Variants in LIPK observed in about 807,000 individuals in gnomAD.
LIPK encodes the protein lipase member K.
Under a neutral mutation model 48.6 loss-of-function variants are expected in LIPK, and 32 were observed. That is an observed-to-expected ratio of 0.66 (90% CI 0.50 to 0.88). The LOEUF (loss-of-function observed/expected upper bound fraction) is 0.88. Ranked by LOEUF, LIPK falls within the 40% of genes least tolerant of loss-of-function variation. LIPK has a pLI of 0.00. For missense variants in LIPK, 507 were observed against 478.5 expected, an observed-to-expected ratio of 1.06 and a Z score of -0.56; for synonymous variants, 164 against 157.4, an observed-to-expected ratio of 1.04 and a Z score of -0.32.
At chr10:88,714,219 A>C (rs1298314435) in intron 1 of LIPK, among the ~76,000 whole-genome samples, 1 of 151,924 alleles carries the variant, frequency 6.6e-6, no homozygotes, top group Non-Finnish European at 1.5e-5. Context: ...TTTCATTTCT[A>C]TTTTCCTAAA....
Position 88,739,979 on chromosome 10 carries a change from AAGT to A in LIPK, c.817-15_817-13del. 8 of 1,589,312 alleles carry A rather than the reference AAGT, an allele frequency of 5.0e-6. 1 individual carries two copies. The highest frequency in any genetic ancestry group is 6.9e-6 in the Non-Finnish European group (8 of 1,159,180). ...ATGATATGATTAGCCTCTAGATGAG[AAGT>A]AATCTCTTTGCAGAGTCGCTTGGAT... is the stretch of plus-strand genomic sequence containing the variant. On this transcript the variant is annotated splice_polypyrimidine_tract_variant and intron_variant, in intron 7 of 9. Transcript: ENST00000404190.
intron 3 of LIPK, among the ~76,000 whole-genome samples, chr10:88,729,749 G>T (rs1842427527): frequency 1.3e-5 from 2 of 152,084 alleles, no homozygotes; most frequent in Non-Finnish European, 1.5e-5. Flanking sequence ...AATGGACATA[G>T]ACTCTTAGTT....
rs1464071145 is a variant in LIPK at position 88,731,056 on chromosome 10, C to G, written c.297C>G (p.Asn99Lys). 1 of 1,602,384 alleles carries G rather than the reference C, an allele frequency of 6.2e-7. No individual in the cohort carries two copies. The highest frequency in any genetic ancestry group is 8.5e-7 in the Non-Finnish European group (1 of 1,174,144). The change falls in exon 4 of 10, where the codon AAC (asparagine) becomes AAG (lysine). Residue 99 changes from asparagine (N) to lysine (K), a missense_variant. Physicochemically the swap from Asn to Lys is moderately conservative, Grantham distance 94. Transcript: ENST00000404190. Reference sequence around the variant, plus strand: ...GTAACTGGATTTGCAACCTGCCCAACAACAGTTTGGCTTTCCTTCTGGCAG... The same window carrying G: ...GTAACTGGATTTGCAACCTGCCCAAGAACAGTTTGGCTTTCCTTCTGGCAG... ...SASNWICNLP[N>K]NSLAFLLADS...
intron 1 of LIPK, among the ~76,000 whole-genome samples, chr10:88,715,010 A>G (rs1452574912): frequency 6.6e-6 from 1 of 152,064 alleles, no homozygotes; most frequent in Non-Finnish European, 1.5e-5. Context: ...TTTATTTCTA[A>G]GCAGTACTTT....
chr10:88,741,620 G>A (rs1178183585), intron 8 of LIPK, among the ~76,000 whole-genome samples: 2 of 152,194 alleles, frequency 1.3e-5, no homozygotes, highest in African/African-American at 4.8e-5. Flanking sequence ...AGTGGGGATG[G>A]TGGGGGGCAT....
intron 1 of LIPK, among the ~76,000 whole-genome samples, chr10:88,713,444 G>A (rs1002738384): frequency 1.3e-5 from 2 of 149,890 alleles, no homozygotes; most frequent in Non-Finnish European, 3.0e-5. Context: ...GAAAAAAAGA[G>A]GGATAAACTT....
intron 9 of LIPK, among the ~76,000 whole-genome samples, chr10:88,748,114 G>A (rs1842800985): frequency 1.3e-5 from 2 of 152,158 alleles, no homozygotes; most frequent in Non-Finnish European, 2.9e-5. Flanking sequence ...GTACTTTGCA[G>A]GGACACGGAT....
intron 8 of LIPK, among the ~76,000 whole-genome samples, chr10:88,740,562 A>G (rs536927658): frequency 1.3e-5 from 2 of 152,288 alleles, no homozygotes; most frequent in East Asian, 3.9e-4. Context: ...TTATTACTCA[A>G]TATACAGAAA....
At chr10:88,738,287 C>G (rs1015035966) in intron 7 of LIPK, among the ~76,000 whole-genome samples, 1 of 152,060 alleles carries the variant, frequency 6.6e-6, no homozygotes, top group African/African-American at 2.4e-5. Context: ...GGGTTCTTGT[C>G]AAGTAATTTC....
intron 8 of LIPK, 132 bp from the exon 9 acceptor site, chr10:88,743,118 T>G: frequency 1.8e-6 from 1 of 565,820 alleles, no homozygotes; most frequent in East Asian, 2.9e-5. Flanking sequence ...ATTTTCTTAA[T>G]CTTTATTGAA....
intron 9 of LIPK, among the ~76,000 whole-genome samples, chr10:88,751,407 A>G (rs903859844): frequency 6.6e-6 from 1 of 152,150 alleles, no homozygotes; most frequent in Non-Finnish European, 1.5e-5. Flanking sequence ...ACCTTTAAAA[A>G]TAAAGTCAGG....
rs1050670163 is a variant in LIPK at position 88,727,671 on chromosome 10, G to A, written c.223+759G>A. 7 of 166,104 alleles carry A rather than the reference G, an allele frequency of 4.2e-5. No individual in the cohort carries two copies. The Admixed American group carries it at 4.4e-4, about 10-fold the overall frequency. 10.3% of individuals were successfully genotyped at this position (166,104 alleles called of 1,614,324 possible). A position where few individuals can be genotyped will look rare whatever the true frequency, so the allele number is the denominator to read the frequency against. On this transcript the variant is annotated intron_variant, in intron 3 of 9. Transcript: ENST00000404190. ...AGCTTTCTGGGTGGCCTGGGCACCA[G>A]CATGGGTCTGGGTGAGGTCTATGCT...
intron 1 of LIPK, among the ~76,000 whole-genome samples, chr10:88,716,609 G>A (rs755129296): frequency 1.3e-4 from 19 of 151,976 alleles, no homozygotes; most frequent in South Asian, 2.1e-4. Context: ...CACACGCCTC[G>A]GCCTCCCAAA....
At chr10:88,744,819 G>A (rs1057462767) in intron 9 of LIPK, among the ~76,000 whole-genome samples, 6 of 152,150 alleles carry the variant, frequency 3.9e-5, no homozygotes, top group South Asian at 2.1e-4. Context: ...GAATCTGGAC[G>A]GCAACAGAGA....
chr10:88,706,716 C>G (rs970594723), intron 1 of LIPK, among the ~76,000 whole-genome samples: 1 of 152,034 alleles, frequency 6.6e-6, no homozygotes, highest in Non-Finnish European at 1.5e-5. Context: ...TTTTAGGAAG[C>G]CCTTTATGTT....
chr10:88,723,300 G>A (rs1372975341), intron 1 of LIPK, among the ~76,000 whole-genome samples: 1 of 152,116 alleles, frequency 6.6e-6, no homozygotes, highest in Non-Finnish European at 1.5e-5. Context: ...AGTTATGACA[G>A]CAATAATAAT....
At chr10:88,717,146 C>T (rs1350308038) in intron 1 of LIPK, among the ~76,000 whole-genome samples, 1 of 152,152 alleles carries the variant, frequency 6.6e-6, no homozygotes, top group Non-Finnish European at 1.5e-5. Flanking sequence ...TCATCCAGTT[C>T]ATTTAAATAG....
intron 1 of LIPK, among the ~76,000 whole-genome samples, chr10:88,709,246 C>T (rs953981104): frequency 2.0e-5 from 3 of 152,120 alleles, no homozygotes; most frequent in Non-Finnish European, 4.4e-5. Flanking sequence ...TTATGAAGCT[C>T]TGTGTCACAA....
chr10:88,714,354 T>G (rs1157270616), intron 1 of LIPK, among the ~76,000 whole-genome samples: 1 of 152,198 alleles, frequency 6.6e-6, no homozygotes, highest in African/African-American at 2.4e-5. Context: ...TGGCTCCAAT[T>G]TATCCATCAG....
Sources: gnomAD v4.1 joint callset for allele counts (sites outside exome capture counted in the v4.1 genomes callset) on GRCh38, gnomAD v4.1.1 for gene constraint, MANE v1.5 for transcripts, NCBI Gene and HGNC (gene_info 2026-07-23, HGNC 2026-07-21) for gene names.